ADAMTSL1: variants seen among roughly 807,000 people sequenced by gnomAD.
ADAMTSL1 encodes ADAMTS like 1.
ADAMTSL1 carries 126 observed loss-of-function variants against 201.8 expected under a neutral mutation model. That is an observed-to-expected ratio of 0.62 (90% CI 0.54 to 0.72). ADAMTSL1 has a LOEUF of 0.72. Ranked by LOEUF, ADAMTSL1 falls within the 30% of genes least tolerant of loss-of-function variation. ADAMTSL1 has a pLI of 0.00. For synonymous variants in ADAMTSL1, 1,121 were observed against 903.4 expected (o/e 1.24, Z -4.32); for missense variants, 2,679 against 2,277.8 (o/e 1.18, Z -3.59).
chr9:18,260,790 G>A (rs1831889340), intron 2 of ADAMTSL1, among the ~76,000 whole-genome samples: 1 of 152,186 alleles, frequency 6.6e-6, no homozygotes. Context: ...ACTTACGGGG[G>A]AGGTGAAGCC....
At chr9:18,018,621 A>G (rs1316999856) in intron 1 of ADAMTSL1, among the ~76,000 whole-genome samples, 1 of 152,052 alleles carries the variant, frequency 6.6e-6, no homozygotes, top group Non-Finnish European at 1.5e-5. Context: ...ATTGAATCCT[A>G]CTGATAAACC....
At chr9:18,410,181 T>G (rs1336682750) in intron 2 of ADAMTSL1, among the ~76,000 whole-genome samples, 1 of 152,082 alleles carries the variant, frequency 6.6e-6, no homozygotes, top group African/African-American at 2.4e-5. Flanking sequence ...CCTGAATCTT[T>G]TTTTTTTTAC....
intron 3 of ADAMTSL1, among the ~76,000 whole-genome samples, chr9:18,558,820 T>A (rs1272977368): frequency 6.6e-6 from 1 of 152,226 alleles, no homozygotes; most frequent in Non-Finnish European, 1.5e-5. Context: ...TTTTGAGAAA[T>A]GTCTGTTCAT....
At chr9:17,931,615 T>A (rs550409094) in intron 1 of ADAMTSL1, among the ~76,000 whole-genome samples, 66 of 152,300 alleles carry the variant, frequency 4.3e-4, no homozygotes, top group African/African-American at 1.6e-3. Context: ...GTCTTTTTTT[T>A]CCTTTTGCAT....
intron 1 of ADAMTSL1, among the ~76,000 whole-genome samples, chr9:18,028,635 C>T (rs140766848): frequency 7.0e-4 from 107 of 152,186 alleles, no homozygotes; most frequent in African/African-American, 2.4e-3. Context: ...TGTTTTGGTA[C>T]CAGTACCATC....
At position 18,681,932 on chromosome 9, in the gene ADAMTSL1, G is replaced by A. The variant is rs370887874; in HGVS notation, c.1462G>A (p.Val488Ile). Residue 488 changes from valine to isoleucine, a missense_variant, in exon 12 of 29, where the codon GTA becomes ATA. Physicochemically the swap from Val to Ile is conservative, Grantham distance 29. Coordinates refer to ENST00000380548, the MANE Select transcript of ADAMTSL1 (RefSeq NM_001040272.6). ...GCCCCACATAAAAGAGGAATGCATC[G>A]TACCCACTCCCTGCTATAAACCCAA... ...TKPHIKEECI[V>I]PTPCYKPKEK... The A allele has an allele frequency of 1.0e-4, 168 of 1,614,082 alleles. No homozygotes were observed. The Middle Eastern group carries it at 1.5e-3, about 14-fold the overall frequency.
At chr9:18,778,272 C>A (rs1277686562) in intron 19 of ADAMTSL1, among the ~76,000 whole-genome samples, 1 of 152,192 alleles carries the variant, frequency 6.6e-6, no homozygotes, top group Non-Finnish European at 1.5e-5. Context: ...TAAGATGAAC[C>A]ATGGAAAAGC....
chr9:18,188,222 T>A (rs1054801992), intron 2 of ADAMTSL1, among the ~76,000 whole-genome samples: 1 of 151,918 alleles, frequency 6.6e-6, no homozygotes, highest in African/African-American at 2.4e-5. Flanking sequence ...AAATCTGGAG[T>A]TGATTGTGTT....
At chr9:18,472,149 GA>G (rs939165158), upstream of ADAMTSL1, among the ~76,000 whole-genome samples, 1 of 152,142 alleles carries the variant, frequency 6.6e-6, no homozygotes, top group Admixed American at 6.5e-5. Flanking sequence ...TGATAGGAGG[GA>G]AAAAAATAAA....
upstream of ADAMTSL1, among the ~76,000 whole-genome samples, chr9:18,472,965 A>G (rs537258017): frequency 1.3e-4 from 20 of 152,300 alleles, no homozygotes; most frequent in Admixed American, 1.2e-3. Context: ...CCTCTAGTAG[A>G]GTCAAATCTC....
upstream of ADAMTSL1, among the ~76,000 whole-genome samples, chr9:18,469,842 C>T (rs952836727): frequency 2.0e-5 from 3 of 152,164 alleles, no homozygotes; most frequent in Admixed American, 6.5e-5. Flanking sequence ...GGCTAGTTCT[C>T]AATTCCATCC....
chr9:18,687,317 C>T (rs368990045), intron 13 of ADAMTSL1, among the ~76,000 whole-genome samples: 14 of 152,158 alleles, frequency 9.2e-5, no homozygotes, highest in East Asian at 1.9e-4. Context: ...CCACATAGAC[C>T]GTTTCTAAAT....
intron 9 of ADAMTSL1, among the ~76,000 whole-genome samples, chr9:18,671,917 G>T (rs1030399899): frequency 3.9e-5 from 6 of 151,972 alleles, no homozygotes; most frequent in African/African-American, 1.5e-4. Context: ...GGCGCCTGTA[G>T]TCCCAGCTAC....
At chr9:18,566,524 G>A (rs1245092813) in intron 3 of ADAMTSL1, among the ~76,000 whole-genome samples, 1 of 152,200 alleles carries the variant, frequency 6.6e-6, no homozygotes, top group Non-Finnish European at 1.5e-5. Flanking sequence ...TTTACACAGA[G>A]TAGGCAGCCT....
At chr9:17,987,108 T>C (rs775892916) in intron 1 of ADAMTSL1, among the ~76,000 whole-genome samples, 2 of 152,110 alleles carry the variant, frequency 1.3e-5, no homozygotes, top group African/African-American at 2.4e-5. Context: ...ATATCATGTC[T>C]CTCTGAGTTT....
chr9:18,246,557 A>T (rs552224098), intron 2 of ADAMTSL1, among the ~76,000 whole-genome samples: 1 of 152,200 alleles, frequency 6.6e-6, no homozygotes. Context: ...TGCCAAAAAG[A>T]CTTTACCTAT....
At chr9:18,810,850 A>G (rs1823456240) in intron 20 of ADAMTSL1, among the ~76,000 whole-genome samples, 1 of 152,106 alleles carries the variant, frequency 6.6e-6, no homozygotes, top group Admixed American at 6.6e-5. Context: ...CCTGTACATT[A>G]TATATAAAAC....
At chr9:18,330,553 G>T (rs140061701) in intron 2 of ADAMTSL1, among the ~76,000 whole-genome samples, 1 of 152,026 alleles carries the variant, frequency 6.6e-6, no homozygotes, top group Non-Finnish European at 1.5e-5. Context: ...AATTCTGTTG[G>T]TTCATTTGTT....
intron 1 of ADAMTSL1, among the ~76,000 whole-genome samples, chr9:18,094,468 G>A (rs1824156499): frequency 1.3e-5 from 2 of 152,040 alleles, no homozygotes; most frequent in South Asian, 2.1e-4. Flanking sequence ...TGCATTTTAG[G>A]TCTGTCATCC....
Sources: gnomAD v4.1 joint callset for allele counts (sites outside exome capture counted in the v4.1 genomes callset) on GRCh38, gnomAD v4.1.1 for gene constraint, MANE v1.5 for transcripts, NCBI Gene and HGNC (gene_info 2026-07-23, HGNC 2026-07-21) for gene names.